PDGFRL: variants seen among roughly 807,000 people sequenced by gnomAD.
PDGFRL encodes the protein platelet-derived growth factor receptor-like protein.
A neutral mutation model predicts 37.2 loss-of-function variants in PDGFRL; 46 were observed. The observed-to-expected ratio is 1.24, with a 90% CI of 0.98 to 1.58. The LOEUF (loss-of-function observed/expected upper bound fraction) is 1.58, where lower values mean the gene tolerates loss of function less well. Among genes scored for constraint, PDGFRL ranks in the 40% most tolerant of loss-of-function variants. PDGFRL has a pLI of 0.00. For synonymous variants in PDGFRL, 251 were observed against 184.3 expected (o/e 1.36, Z -2.93); for missense variants, 692 against 467.6 (o/e 1.48, Z -4.43).
At chr8:17,619,851 A>G (rs1302022809) in intron 2 of PDGFRL, among the ~76,000 whole-genome samples, 5 of 152,248 alleles carry the variant, frequency 3.3e-5, no homozygotes, top group Non-Finnish European at 7.3e-5. Flanking sequence ...AGGAAACCGC[A>G]GGTCTGAGGA....
chr8:17,594,528 C>A (rs1315408262), intron 2 of PDGFRL, among the ~76,000 whole-genome samples: 1 of 151,190 alleles, frequency 6.6e-6, no homozygotes, highest in African/African-American at 2.4e-5. Flanking sequence ...AGGTGTAAGC[C>A]ACCATGCCTG....
intron 2 of PDGFRL, among the ~76,000 whole-genome samples, chr8:17,604,250 G>C: frequency 6.6e-6 from 1 of 152,122 alleles, no homozygotes; most frequent in Non-Finnish European, 1.5e-5. Context: ...TACCCAAAGA[G>C]TTATAAATCA....
intron 2 of PDGFRL, among the ~76,000 whole-genome samples, chr8:17,594,855 G>A (rs1408924561): frequency 6.6e-6 from 1 of 152,188 alleles, no homozygotes; most frequent in African/African-American, 2.4e-5. Flanking sequence ...CTACATTTTT[G>A]TAATCCATCA....
chr8:17,580,258 G>C (rs1040192962), intron 1 of PDGFRL, among the ~76,000 whole-genome samples: 3 of 152,024 alleles, frequency 2.0e-5, no homozygotes, highest in African/African-American at 7.2e-5. Flanking sequence ...GGTAAGGACA[G>C]AGACACAATG....
At chr8:17,624,720 C>T (rs753144689) in intron 3 of PDGFRL, among the ~76,000 whole-genome samples, 10 of 152,160 alleles carry the variant, frequency 6.6e-5, no homozygotes, top group Admixed American at 5.2e-4. Flanking sequence ...ACCAGCCTAA[C>T]CAACATGGCG....
At chr8:17,600,365 C>G (rs1804142112) in intron 2 of PDGFRL, among the ~76,000 whole-genome samples, 1 of 152,104 alleles carries the variant, frequency 6.6e-6, no homozygotes, top group South Asian at 2.1e-4. Flanking sequence ...TCTGAATCCT[C>G]CACTCTTCCA....
At chr8:17,596,352 A>G (rs1251803381) in intron 2 of PDGFRL, 6 of 1,239,188 alleles carry the variant, frequency 4.8e-6, no homozygotes, top group African/African-American at 4.6e-5. Context: ...GAAGAAGCCA[A>G]CGCGCCCGCA....
At chr8:17,603,486 A>C (rs1411177468) in intron 2 of PDGFRL, among the ~76,000 whole-genome samples, 1 of 152,102 alleles carries the variant, frequency 6.6e-6, no homozygotes, top group Non-Finnish European at 1.5e-5. Flanking sequence ...TTCAGGTTTT[A>C]CCTCCAGACT....
At chr8:17,601,862 T>C (rs1804172788) in intron 2 of PDGFRL, among the ~76,000 whole-genome samples, 1 of 152,184 alleles carries the variant, frequency 6.6e-6, no homozygotes, top group Non-Finnish European at 1.5e-5. Context: ...CTTTATGCAG[T>C]CTACTATTGA....
intron 2 of PDGFRL, among the ~76,000 whole-genome samples, chr8:17,615,007 A>C (rs1804494934): frequency 6.6e-6 from 1 of 152,204 alleles, no homozygotes; most frequent in Non-Finnish European, 1.5e-5. Flanking sequence ...GGATCAAATG[A>C]GTCAAAATGG....
Position 17,643,065 on chromosome 8 carries a change from T to C in PDGFRL, c.*264T>C, listed in dbSNP as rs917806466. The C allele has an allele frequency of 2.8e-6, 1 of 353,584 alleles. No homozygotes were observed. Among genetic ancestry groups the C allele is most frequent in the Non-Finnish European group, 5.0e-6 (1 of 198,660 alleles). 21.9% of individuals were successfully genotyped at this position (353,584 alleles called of 1,614,324 possible). A position where few individuals can be genotyped will look rare whatever the true frequency, so the allele number is the denominator to read the frequency against. On this transcript the variant is annotated 3_prime_UTR_variant, in exon 6 of 6. Transcript: ENST00000251630. ...CTAGTTTTTATACATGTGTAAACAA[T>C]TTTATATAATCAATCATTTCTATTA...
chr8:17,585,536 T>C (rs2150809704), intron 1 of PDGFRL, among the ~76,000 whole-genome samples: 2 of 152,286 alleles, frequency 1.3e-5, no homozygotes, highest in Admixed American at 1.3e-4. Flanking sequence ...GTGGGGTGTT[T>C]CATGAAAAAT....
intron 2 of PDGFRL, among the ~76,000 whole-genome samples, chr8:17,612,339 C>T (rs1804436421): frequency 6.6e-6 from 1 of 151,860 alleles, no homozygotes; most frequent in South Asian, 2.1e-4. Flanking sequence ...TCTTTTCTCT[C>T]TTCCCTCTTC....
chr8:17,585,576 A>G, intron 1 of PDGFRL, among the ~76,000 whole-genome samples: 1 of 152,146 alleles, frequency 6.6e-6, no homozygotes, highest in Non-Finnish European at 1.5e-5. Flanking sequence ...CTCTCAGTGT[A>G]TATAACTAAT....
intron 1 of PDGFRL, among the ~76,000 whole-genome samples, chr8:17,577,686 C>G (rs1237923231): frequency 6.6e-6 from 1 of 151,824 alleles, no homozygotes; most frequent in African/African-American, 2.4e-5. Context: ...AGCGGCGTGG[C>G]TGGGACCTCT....
At chr8:17,629,042 T>C (rs1474120294) in intron 4 of PDGFRL, among the ~76,000 whole-genome samples, 1 of 150,930 alleles carries the variant, frequency 6.6e-6, no homozygotes, top group Non-Finnish European at 1.5e-5. Context: ...CTTAGCCTCC[T>C]GAGTAGCTGG....
intron 3 of PDGFRL, among the ~76,000 whole-genome samples, chr8:17,628,034 C>T (rs1563526898): frequency 2.2e-5 from 3 of 138,464 alleles, no homozygotes; most frequent in Middle Eastern, 4.1e-3. Flanking sequence ...GGCTCTGTCG[C>T]CCAGGCTGGA....
At position 17,589,629 on chromosome 8, in the gene PDGFRL, G is replaced by C. The variant is rs1803890429; in HGVS notation, c.217G>C (p.Asp73His). 1 of 1,613,894 alleles carries C rather than the reference G, an allele frequency of 6.2e-7. No individual in the cohort carries two copies. The highest frequency in any genetic ancestry group is 1.7e-5 in the Admixed American group (1 of 60,000). The change falls in exon 2 of 6, where the codon GAT becomes CAT. Residue 73 changes from aspartate to histidine, a missense_variant. By Grantham distance (81) the Asp-to-His change is moderately conservative. Coordinates refer to ENST00000251630, the MANE Select transcript of PDGFRL (RefSeq NM_001372073.1). ...KTQSIMMQVL[D>H]KGRFQKPAAT... is the part of the protein sequence containing the mutation. ...GCAGTCTATCATGATGCAAGTGCTG[G>C]ATAAAGGTCGCTTCCAGAAACCCGC... is the stretch of plus-strand genomic sequence containing the variant.
intron 5 of PDGFRL, among the ~76,000 whole-genome samples, chr8:17,635,085 A>C (rs1392869019): frequency 1.3e-5 from 2 of 152,160 alleles, no homozygotes; most frequent in Non-Finnish European, 2.9e-5. Flanking sequence ...ACTAGAGTCT[A>C]ATCTAACCTC....
Sources: gnomAD v4.1 joint callset for allele counts (sites outside exome capture counted in the v4.1 genomes callset) on GRCh38, gnomAD v4.1.1 for gene constraint, MANE v1.5 for transcripts, NCBI Gene and HGNC (gene_info 2026-07-23, HGNC 2026-07-21) for gene names.